The following CDK5RAP2 variants were observed in gnomAD, a reference collection of about 807,000 sequenced individuals.
The protein encoded by CDK5RAP2 is CDK5 regulatory subunit associated protein 2.
In CDK5RAP2, 147 loss-of-function variants were observed where a neutral mutation model predicts 232.9. That is an observed-to-expected ratio of 0.63 (90% confidence interval 0.55 to 0.72). CDK5RAP2 has a LOEUF of 0.72. CDK5RAP2 is among the 30% of genes least tolerant of loss of function. The probability of loss-of-function intolerance (pLI) is 0.00; values close to 1 mark genes in which losing one functional copy is unlikely to be tolerated. For missense variants in CDK5RAP2, 2,195 were observed against 2,231.5 expected (o/e 0.98, Z 0.33); for synonymous variants, 833 against 833.7 (o/e 1.00, Z 0.01).
chr9:120,472,110 T>C (rs1047995410), intron 15 of CDK5RAP2, among the ~76,000 whole-genome samples: 71 of 152,312 alleles, frequency 4.7e-4, no homozygotes, highest in African/African-American at 1.6e-3. Flanking sequence ...TCCAATCTTT[T>C]CCCCTATGCG....
At chr9:120,560,491 A>T (rs1011621911) in intron 3 of CDK5RAP2, among the ~76,000 whole-genome samples, 7 of 152,194 alleles carry the variant, frequency 4.6e-5, no homozygotes, top group Admixed American at 3.3e-4. Flanking sequence ...TGACCCTGTG[A>T]TTATGCTCCA....
intron 35 of CDK5RAP2, among the ~76,000 whole-genome samples, chr9:120,395,506 G>A (rs1467707108): frequency 6.6e-6 from 1 of 152,216 alleles, no homozygotes; most frequent in Non-Finnish European, 1.5e-5. Context: ...CATGCACGGC[G>A]GAGCCCTCTG....
Position 120,553,743 on chromosome 9 carries a change from C to T in CDK5RAP2, c.196-2841G>A, listed in dbSNP as rs190154465. 2.9e-3 allele frequency among the ~76,000 whole-genome samples: 448 copies of T among 152,200 alleles called. 4 individuals carry two copies. Among genetic ancestry groups the T allele is most frequent in the Non-Finnish European group, 4.5e-3 (303 of 67,998 alleles). On this transcript the variant is annotated intron_variant, in intron 3 of 37. Transcript: ENST00000349780. The stretch of plus-strand genomic sequence containing the variant: ...TGTGGGTATGCCTGCATGTATGTTA[C>T]ATTTCTTTTAAAGTTTATTTATTTT...
At chr9:120,538,475 T>C (rs762254704) in intron 6 of CDK5RAP2, among the ~76,000 whole-genome samples, 21 of 151,918 alleles carry the variant, frequency 1.4e-4, no homozygotes, top group African/African-American at 2.2e-4. Flanking sequence ...TGAGAGTAAA[T>C]AGAAGAAGTG....
chr9:120,415,144 T>C lies in CDK5RAP2; in HGVS notation c.4193A>G (p.His1398Arg). Residue 1398 changes from histidine to arginine, a missense_variant, in exon 28 of 38, where the codon CAC (histidine) becomes CGC (arginine). Physicochemically the swap from His to Arg is conservative, Grantham distance 29. Coordinates refer to ENST00000349780, the MANE Select transcript of CDK5RAP2 (RefSeq NM_018249.6). ...NSFSQDLLME[H>R]IQEIRTLRKR... ...TCTCAAAGTTCGAATTTCCTGTATG[T>C]GTTCCATTAGTAAGTCTACAGGAAG... 1.2e-6 allele frequency: 2 copies of C among 1,614,118 alleles called. No individual in the cohort carries two copies. The highest frequency in any genetic ancestry group is 1.7e-6 in the Non-Finnish European group (2 of 1,179,946).
chr9:120,572,651 T>C (rs2042895723), intron 1 of CDK5RAP2, among the ~76,000 whole-genome samples: 1 of 152,198 alleles, frequency 6.6e-6, no homozygotes, highest in South Asian at 2.1e-4. Flanking sequence ...TAACCCATAA[T>C]AGGAGGTGTG....
chr9:120,453,892 A>G lies in CDK5RAP2; in HGVS notation c.2376-19T>C. On this transcript the variant is annotated intron_variant, in intron 20 of 37. Coordinates refer to ENST00000349780, the MANE Select transcript of CDK5RAP2 (RefSeq NM_018249.6). ...GTCTGGCCTGTTTTTCCAAAAGGGA[A>G]GGAAGTGGGAGAACCAAGCTTTCTG... 1 of 1,613,640 alleles carries G rather than the reference A, an allele frequency of 6.2e-7. No homozygotes were observed. The highest frequency in any genetic ancestry group is 8.5e-7 in the Non-Finnish European group (1 of 1,179,694).
At chr9:120,462,162 A>G (rs1289054722) in intron 18 of CDK5RAP2, among the ~76,000 whole-genome samples, 2 of 152,244 alleles carry the variant, frequency 1.3e-5, no homozygotes, top group African/African-American at 4.8e-5. Flanking sequence ...AGAAGTGATG[A>G]TCAAAAACCA....
At chr9:120,415,392 A>G (rs2034151998) in intron 27 of CDK5RAP2, among the ~76,000 whole-genome samples, 1 of 152,236 alleles carries the variant, frequency 6.6e-6, no homozygotes, top group African/African-American at 2.4e-5. Flanking sequence ...TACATCACAT[A>G]GAAAAAATTA....
chr9:120,508,032 A>G (rs779370442), intron 12 of CDK5RAP2, among the ~76,000 whole-genome samples: 19 of 148,664 alleles, frequency 1.3e-4, no homozygotes, highest in Non-Finnish European at 1.9e-4. Context: ...TGAAAAGCCA[A>G]GCCCTCACAC....
chr9:120,569,800 G>A (rs2042782741), intron 2 of CDK5RAP2, among the ~76,000 whole-genome samples: 1 of 152,144 alleles, frequency 6.6e-6, no homozygotes, highest in Non-Finnish European at 1.5e-5. Flanking sequence ...GACTGTAAGG[G>A]GCTTAGGAGA....
At chr9:120,458,238 T>TATTA (rs546032079) in intron 20 of CDK5RAP2, among the ~76,000 whole-genome samples, 66 of 152,330 alleles carry the variant, frequency 4.3e-4, no homozygotes, top group African/African-American at 1.5e-3. Flanking sequence ...CTCTTTATAA[T>TATTA]GGGCTTACAT....
chr9:120,518,165 CTGTG>C lies in CDK5RAP2; in HGVS notation c.1311+258_1311+261del, dbSNP rs56032707. 7.8e-3 allele frequency among the ~76,000 whole-genome samples: 872 copies of C among 111,232 alleles called. 5 individuals are homozygous for C. The highest frequency in any genetic ancestry group is 0.018 in the Middle Eastern group (4 of 218). 73.0% of individuals were successfully genotyped at this position (111,232 alleles called of 152,430 possible). A position where few individuals can be genotyped will look rare whatever the true frequency, so the allele number is the denominator to read the frequency against. On this transcript the variant is annotated intron_variant, in intron 12 of 37. Coordinates refer to ENST00000349780, the MANE Select transcript of CDK5RAP2 (RefSeq NM_018249.6). ...CTGTATTTTCAACTCGATAACAACT[CTGTG>C]TGTGTGTGTGTGTGTGTGTGTGTGT...
rs772885036 is a variant in CDK5RAP2 at position 120,453,472 on chromosome 9, G to A, written c.2777C>T (p.Pro926Leu). 24 of 1,610,952 alleles carry A rather than the reference G, an allele frequency of 1.5e-5. No homozygotes were observed. The South Asian group carries it at 2.5e-4, about 17-fold the overall frequency. The change falls in exon 21 of 38, where the codon CCT becomes CTT. Residue 926 changes from proline to leucine, a missense_variant. Pro to Leu is a moderately conservative substitution (Grantham distance 98). Transcript: ENST00000349780. ...PGWQAALLSL[P>L]GITNREAKKS... ...AAAACTTACTCTGTTGGTAATACCAGGGAGGGAAAGGAGGGCAGCCTGCCA... is the reference window on the plus strand; with the variant it reads ...AAAACTTACTCTGTTGGTAATACCAAGGAGGGAAAGGAGGGCAGCCTGCCA...
intron 12 of CDK5RAP2, among the ~76,000 whole-genome samples, chr9:120,502,937 C>A (rs1160674478): frequency 4.6e-5 from 7 of 152,328 alleles, no homozygotes; most frequent in Non-Finnish European, 1.0e-4. Flanking sequence ...CAAAACATCT[C>A]AAACCCTAAT....
chr9:120,481,948 T>C (rs2038342483), intron 14 of CDK5RAP2, among the ~76,000 whole-genome samples: 1 of 152,236 alleles, frequency 6.6e-6, no homozygotes, highest in African/African-American at 2.4e-5. Context: ...TTGATATATG[T>C]CAGCTGTTAC....
chr9:120,476,696 G>T, intron 15 of CDK5RAP2, among the ~76,000 whole-genome samples: 1 of 138,998 alleles, frequency 7.2e-6, no homozygotes, highest in East Asian at 2.1e-4. Context: ...AAAAAAAAAA[G>T]GACTTCTCAA....
chr9:120,412,811 C>G (rs2033931515), intron 28 of CDK5RAP2, among the ~76,000 whole-genome samples: 1 of 152,190 alleles, frequency 6.6e-6, no homozygotes, highest in Non-Finnish European at 1.5e-5. Context: ...GACAGTCCTT[C>G]CACTCTACAG....
intron 12 of CDK5RAP2, among the ~76,000 whole-genome samples, chr9:120,499,499 C>T (rs2039476528): frequency 2.0e-5 from 3 of 151,990 alleles, no homozygotes; most frequent in Admixed American, 2.0e-4. Context: ...ATATTTCACA[C>T]TAAGCAGACA....
Sources: allele counts gnomAD v4.1 joint callset (sites outside exome capture counted in the v4.1 genomes callset), GRCh38; gene constraint gnomAD v4.1.1; transcripts MANE v1.5; gene names NCBI Gene and HGNC (gene_info 2026-07-23, HGNC 2026-07-21).